ARHGAP28: variants seen among roughly 807,000 people sequenced by gnomAD.
ARHGAP28 encodes Rho GTPase activating protein 28.
Under a neutral mutation model 90.7 loss-of-function variants are expected in ARHGAP28, and 56 were observed. The ratio of observed to expected loss-of-function variants is 0.62; its 90% CI spans 0.50 to 0.77. ARHGAP28 has a LOEUF of 0.77. Ranked by LOEUF, ARHGAP28 falls within the 30% of genes least tolerant of loss-of-function variation. The pLI is 0.00. For synonymous variants in ARHGAP28, 308 were observed against 323.3 expected (o/e 0.95, Z 0.51); for missense variants, 869 against 900.9 (o/e 0.96, Z 0.45).
At chr18:6,827,919 C>A (rs1282312851) in intron 2 of ARHGAP28, among the ~76,000 whole-genome samples, 38 of 151,306 alleles carry the variant, frequency 2.5e-4, no homozygotes, top group Non-Finnish European at 3.0e-4. Flanking sequence ...GGCGGCCGGG[C>A]AGAGACGCTC....
Position 6,834,177 on chromosome 18 carries a change from AT to A in ARHGAP28, c.326-3012del, listed in dbSNP as rs1031703205. Among the ~76,000 whole-genome samples, 18 of 151,932 alleles carry A rather than the reference AT, an allele frequency of 1.2e-4. 1 individual carries two copies. The highest frequency in any genetic ancestry group is 9.7e-4 in the East Asian group (5 of 5,156). The stretch of plus-strand genomic sequence containing the variant: ...TTAGAGTGATTAAAAAAAAAGCAGA[AT>A]TTTTTTTCTCTCAAGGAGATGATAA... On this transcript the variant is annotated intron_variant, in intron 2 of 17. Transcript: ENST00000383472.
At chr18:6,898,394 C>A in intron 16 of ARHGAP28, 2 of 928,478 alleles carry the variant, frequency 2.2e-6, no homozygotes, top group Non-Finnish European at 3.5e-6. Context: ...AATATATACA[C>A]ATATACACAC....
chr18:6,846,829 T>C (rs1443997445), intron 3 of ARHGAP28, among the ~76,000 whole-genome samples: 1 of 152,190 alleles, frequency 6.6e-6, no homozygotes, highest in African/African-American at 2.4e-5. Context: ...GGGAAAGCTC[T>C]CCACCCTTGG....
intron 1 of ARHGAP28, among the ~76,000 whole-genome samples, chr18:6,777,429 A>G (rs1306627828): frequency 6.6e-6 from 1 of 152,186 alleles, no homozygotes; most frequent in African/African-American, 2.4e-5. Flanking sequence ...CAATTAGCCC[A>G]AAGATTTGCG....
intron 1 of ARHGAP28, among the ~76,000 whole-genome samples, chr18:6,739,971 C>T (rs1344208613): frequency 6.6e-6 from 1 of 151,792 alleles, no homozygotes; most frequent in Non-Finnish European, 1.5e-5. Context: ...TCTCCTGCCT[C>T]AGCCTCCCAA....
Position 6,837,254 on chromosome 18 carries a change from G to C in ARHGAP28, c.383G>C (p.Gly128Ala). The C allele has an allele frequency of 6.3e-7, 1 of 1,596,686 alleles. No homozygotes were observed. The highest frequency in any genetic ancestry group is 8.5e-7 in the Non-Finnish European group (1 of 1,172,758). ...QDVGLSTLISGDEEEDGKALL... is the reference protein window; with the variant it reads ...QDVGLSTLISADEEEDGKALL... Reference sequence around the variant, plus strand: ...GTGGGTTTATCAACTCTGATCTCAGGTGATGAAGAGGAAGATGGCAAAGCC... The same window carrying C: ...GTGGGTTTATCAACTCTGATCTCAGCTGATGAAGAGGAAGATGGCAAAGCC... Residue 128 changes from glycine to alanine, a missense_variant, in exon 3 of 18, where the codon GGT (glycine) becomes GCT (alanine). Coordinates refer to ENST00000383472, the MANE Select transcript of ARHGAP28 (RefSeq NM_001366230.1).
chr18:6,909,441 C>T (rs187742249), intron 17 of ARHGAP28, among the ~76,000 whole-genome samples: 10 of 151,450 alleles, frequency 6.6e-5, no homozygotes, highest in South Asian at 2.1e-4. Context: ...TGCAGATGCC[C>T]GCCACCACGC....
At chr18:6,811,254 A>G (rs1364964708) in intron 1 of ARHGAP28, among the ~76,000 whole-genome samples, 1 of 152,214 alleles carries the variant, frequency 6.6e-6, no homozygotes, top group Admixed American at 6.5e-5. Flanking sequence ...ATGTGTTAAT[A>G]TAATGTTCAT....
intron 1 of ARHGAP28, among the ~76,000 whole-genome samples, chr18:6,780,226 A>G (rs938686931): frequency 3.3e-5 from 5 of 152,248 alleles, no homozygotes; most frequent in Non-Finnish European, 7.3e-5. Flanking sequence ...AAGCATTCAC[A>G]TAAAGTCAGC....
intron 1 of ARHGAP28, among the ~76,000 whole-genome samples, chr18:6,747,841 A>G (rs1338003463): frequency 6.6e-6 from 1 of 152,192 alleles, no homozygotes; most frequent in Non-Finnish European, 1.5e-5. Flanking sequence ...TCTTACCCCC[A>G]GTGACTCACA....
intron 16 of ARHGAP28, 143 bp from the exon 17 acceptor site, chr18:6,908,817 C>T: frequency 1.6e-6 from 1 of 621,610 alleles, no homozygotes. Flanking sequence ...TTATTTTTAT[C>T]ATAACTTCAG....
intron 17 of ARHGAP28, among the ~76,000 whole-genome samples, chr18:6,909,250 CTTTT>C (rs2057381184): frequency 1.7e-5 from 1 of 58,844 alleles, no homozygotes; most frequent in African/African-American, 4.8e-5. Flanking sequence ...AGGCTTGGGT[CTTTT>C]CTTTTCTTTT....
chr18:6,757,777 T>A (rs1238300822), intron 1 of ARHGAP28, among the ~76,000 whole-genome samples: 1 of 152,150 alleles, frequency 6.6e-6, no homozygotes, highest in South Asian at 2.1e-4. Context: ...GTAAATTCTT[T>A]AAAAATCTGG....
intron 1 of ARHGAP28, among the ~76,000 whole-genome samples, chr18:6,801,014 G>A (rs2056477760): frequency 6.6e-6 from 1 of 152,130 alleles, no homozygotes; most frequent in Admixed American, 6.5e-5. Context: ...AAGAGCAGAG[G>A]AATTGTAAGT....
intron 1 of ARHGAP28, among the ~76,000 whole-genome samples, chr18:6,773,816 A>G (rs537544881): frequency 6.6e-6 from 1 of 152,336 alleles, no homozygotes; most frequent in South Asian, 2.1e-4. Context: ...AAGGAAGGAA[A>G]AACTGTAAAA....
chr18:6,743,398 C>G (rs574841885), intron 1 of ARHGAP28, among the ~76,000 whole-genome samples: 1 of 152,132 alleles, frequency 6.6e-6, no homozygotes, highest in African/African-American at 2.4e-5. Flanking sequence ...CATCAGACGG[C>G]CTGGCACTTA....
intron 6 of ARHGAP28, among the ~76,000 whole-genome samples, chr18:6,869,472 G>T (rs1431609434): frequency 1.3e-5 from 2 of 151,786 alleles, no homozygotes; most frequent in Non-Finnish European, 2.9e-5. Context: ...TGTTGGCCAG[G>T]CTGGTCTCAA....
rs572579456 is a variant in ARHGAP28, at chr18:6,909,226, T to C, written c.2095+202T>C. Among the ~76,000 whole-genome samples, 32 of 152,076 alleles carry C rather than the reference T, an allele frequency of 2.1e-4. No individual in the cohort carries two copies. The East Asian group carries it at 6.0e-3, about 29-fold the overall frequency. On this transcript the variant is annotated intron_variant, in intron 17 of 17. Coordinates refer to ENST00000383472, the MANE Select transcript of ARHGAP28 (RefSeq NM_001366230.1). ...CAAAATTTAAATGAGAATATTTTAA[T>C]GTTGATATGGAGTAGGCTTGGGTCT...
intron 1 of ARHGAP28, among the ~76,000 whole-genome samples, chr18:6,797,968 A>G (rs2056454147): frequency 6.6e-6 from 1 of 152,112 alleles, no homozygotes; most frequent in Admixed American, 6.5e-5. Flanking sequence ...CCGAAACACA[A>G]TTTTTTAAAC....
Sources: allele counts gnomAD v4.1 joint callset (sites outside exome capture counted in the v4.1 genomes callset), GRCh38; gene constraint gnomAD v4.1.1; transcripts MANE v1.5; gene names NCBI Gene and HGNC (gene_info 2026-07-23, HGNC 2026-07-21).